The following SUSD1 variants were observed in gnomAD, a reference collection of about 807,000 sequenced individuals.
SUSD1 encodes sushi domain containing 1, also known as sushi domain-containing protein 1.
SUSD1 carries 65 observed loss-of-function variants against 86.9 expected under a neutral mutation model. That is an observed-to-expected ratio of 0.75 (90% confidence interval 0.61 to 0.92). The LOEUF (loss-of-function observed/expected upper bound fraction) is 0.92. Ranked by LOEUF, SUSD1 falls within the 40% of genes least tolerant of loss-of-function variation. SUSD1 has a pLI of 0.00. For synonymous variants in SUSD1, 346 were observed against 350.0 expected (o/e 0.99, Z 0.13); for missense variants, 850 against 929.7 (o/e 0.91, Z 1.11).
rs748475398 is a variant in SUSD1, at chr9:112,143,518, T to C, written c.479A>G (p.Asn160Ser). The C allele has an allele frequency of 6.2e-7, 1 of 1,614,122 alleles. No individual in the cohort carries two copies. The highest frequency in any genetic ancestry group is 8.5e-7 in the Non-Finnish European group (1 of 1,180,020). Residue 160 changes from asparagine to serine, a missense_variant, in exon 4 of 17, where the codon AAT (asparagine) becomes AGT (serine). Physicochemically the swap from Asn to Ser is conservative, Grantham distance 46. Transcript: ENST00000374270. ...CYCMDGYLPRNGPEPFHPTTD... is the reference protein window; with the variant it reads ...CYCMDGYLPRSGPEPFHPTTD... ...GGTCGGGTGGAAAGGTTCAGGTCCA[T>C]TCCTTGGCAAGTATCCATCCATACA...
chr9:112,087,465 GC>G (rs1302699801), intron 10 of SUSD1, among the ~76,000 whole-genome samples: 49 of 152,124 alleles, frequency 3.2e-4, no homozygotes, highest in African/African-American at 1.1e-3. Context: ...ACAGGTATGA[GC>G]CACTGAGCCA....
At chr9:112,111,340 C>T (rs1162192862) in intron 8 of SUSD1, among the ~76,000 whole-genome samples, 1 of 152,112 alleles carries the variant, frequency 6.6e-6, no homozygotes, top group Non-Finnish European at 1.5e-5. Flanking sequence ...ACATGGCTAC[C>T]CTCTGTTGCC....
At chr9:112,052,922 A>T (rs936892973) in intron 14 of SUSD1, among the ~76,000 whole-genome samples, 6 of 152,360 alleles carry the variant, frequency 3.9e-5, no homozygotes, top group Admixed American at 2.0e-4. Context: ...AAATGTGTCC[A>T]TGAACCGGGA....
chr9:112,080,505 T>G (rs1257339053), intron 10 of SUSD1, among the ~76,000 whole-genome samples: 1 of 152,038 alleles, frequency 6.6e-6, no homozygotes, highest in Non-Finnish European at 1.5e-5. Flanking sequence ...CTGGCCAACA[T>G]AGCGAAACCC....
intron 6 of SUSD1, among the ~76,000 whole-genome samples, chr9:112,118,480 G>A (rs370814578): frequency 1.3e-5 from 2 of 152,184 alleles, no homozygotes; most frequent in East Asian, 1.9e-4. Context: ...TTGGTGGCAC[G>A]CGAATACTTT....
At chr9:112,076,988 T>A (rs1183300132) in intron 12 of SUSD1, among the ~76,000 whole-genome samples, 1 of 152,050 alleles carries the variant, frequency 6.6e-6, no homozygotes. Context: ...GAACAGGAGG[T>A]AGGGCTGTGG....
At chr9:112,108,348 A>T (rs191338027) in intron 8 of SUSD1, among the ~76,000 whole-genome samples, 1 of 152,234 alleles carries the variant, frequency 6.6e-6, no homozygotes, top group African/African-American at 2.4e-5. Flanking sequence ...TCAAACAGAA[A>T]CGAATGAAAA....
intron 10 of SUSD1, among the ~76,000 whole-genome samples, chr9:112,096,919 C>A (rs1363174929): frequency 6.6e-6 from 1 of 152,090 alleles, no homozygotes; most frequent in African/African-American, 2.4e-5. Context: ...CATTACTATG[C>A]AGCTGAAAAT....
chr9:112,061,297 C>T (rs754143120), intron 13 of SUSD1, among the ~76,000 whole-genome samples: 13 of 152,228 alleles, frequency 8.5e-5, no homozygotes, highest in Non-Finnish European at 1.8e-4. Flanking sequence ...GCTGCTGCCC[C>T]CCAGCTCAAA....
At chr9:112,158,982 G>T (rs1170430079) in intron 1 of SUSD1, among the ~76,000 whole-genome samples, 1 of 145,238 alleles carries the variant, frequency 6.9e-6, no homozygotes, top group Non-Finnish European at 1.5e-5. Context: ...GAACACAGCT[G>T]CCTATTACCC....
At chr9:112,083,896 C>A (rs116745490) in intron 10 of SUSD1, among the ~76,000 whole-genome samples, 2 of 152,148 alleles carry the variant, frequency 1.3e-5, no homozygotes, top group Non-Finnish European at 2.9e-5. Flanking sequence ...GTTCCCATTG[C>A]GCTTTACATA....
chr9:112,153,113 C>T (rs1438071891), intron 2 of SUSD1, among the ~76,000 whole-genome samples: 1 of 151,236 alleles, frequency 6.6e-6, no homozygotes, highest in Non-Finnish European at 1.5e-5. Context: ...AAAAAATAAA[C>T]AAAATTAGCC....
At chr9:112,082,907 T>C (rs1829828874) in intron 10 of SUSD1, among the ~76,000 whole-genome samples, 1 of 151,952 alleles carries the variant, frequency 6.6e-6, no homozygotes, top group South Asian at 2.1e-4. Flanking sequence ...TTTAATTTTT[T>C]TGTAGAGACA....
At chr9:112,164,086 T>C (rs1285581709) in intron 1 of SUSD1, among the ~76,000 whole-genome samples, 1 of 151,960 alleles carries the variant, frequency 6.6e-6, no homozygotes, top group Non-Finnish European at 1.5e-5. Context: ...GTAAATCTAA[T>C]AAACATAAAA....
At chr9:112,096,502 T>C (rs1281207207) in intron 10 of SUSD1, among the ~76,000 whole-genome samples, 1 of 152,158 alleles carries the variant, frequency 6.6e-6, no homozygotes, top group Non-Finnish European at 1.5e-5. Context: ...TTCATGCCTT[T>C]ACATTTTAGT....
At chr9:112,136,675 G>T (rs1007160897) in intron 5 of SUSD1, among the ~76,000 whole-genome samples, 2 of 152,186 alleles carry the variant, frequency 1.3e-5, no homozygotes, top group African/African-American at 4.8e-5. Context: ...TGCTAAGTCT[G>T]GATGTGGTCT....
intron 15 of SUSD1, among the ~76,000 whole-genome samples, chr9:112,045,830 C>T (rs796730484): frequency 7.2e-5 from 11 of 152,288 alleles, no homozygotes; most frequent in African/African-American, 2.4e-4. Context: ...ATTGTATGAA[C>T]CTGCCAGAAT....
At chr9:112,135,057 C>A (rs538693724) in intron 5 of SUSD1, among the ~76,000 whole-genome samples, 116 of 144,426 alleles carry the variant, frequency 8.0e-4, no homozygotes, top group Admixed American at 1.4e-3. Flanking sequence ...CAAGAGCAAA[C>A]TGTCTCAAAA....
At chr9:112,041,997 C>T (rs763677029) in intron 15 of SUSD1, 37 bp from the exon 16 acceptor site, 78 of 1,606,884 alleles carry the variant, frequency 4.9e-5, no homozygotes, top group South Asian at 1.4e-4. Flanking sequence ...CCAGAGTGCA[C>T]GGCATCACCA....
Sources: gnomAD v4.1 joint callset for allele counts (sites outside exome capture counted in the v4.1 genomes callset) on GRCh38, gnomAD v4.1.1 for gene constraint, MANE v1.5 for transcripts, NCBI Gene and HGNC (gene_info 2026-07-23, HGNC 2026-07-21) for gene names.